SLC26A9: variants seen among roughly 807,000 people sequenced by gnomAD.
The protein encoded by SLC26A9 is anion transporter/exchanger protein 9.
In SLC26A9, 46 loss-of-function variants were observed where a neutral mutation model predicts 87.1. That is an observed-to-expected ratio of 0.53 (90% CI 0.42 to 0.67). The LOEUF is 0.67. SLC26A9 is among the 30% of genes least tolerant of loss of function. SLC26A9 has a pLI of 0.00. For synonymous variants in SLC26A9, 437 were observed against 409.1 expected (o/e 1.07, Z -0.82); for missense variants, 927 against 1,018.3 (o/e 0.91, Z 1.22).
chr1:205,929,239 T>C lies in SLC26A9; in HGVS notation c.835A>G (p.Lys279Glu). The C allele has an allele frequency of 6.2e-7, 1 of 1,614,172 alleles. No homozygotes were observed. Among genetic ancestry groups the C allele is most frequent in the Non-Finnish European group, 8.5e-7 (1 of 1,180,028 alleles). Residue 279 changes from lysine to glutamate, a missense_variant, in exon 7 of 21, where the codon AAG becomes GAG. Lys to Glu is a moderately conservative substitution (Grantham distance 56). Transcript: ENST00000367135. ...VKELNARYMH[K>E]IRFPIPTEMI... ...TCTGTAGGGATGGGGAAGCGAATCT[T>C]GTGCATGTAGCGAGCATTGAGCTCC...
rs199775815 is a variant in SLC26A9, at chr1:205,920,182, T to C, written c.2104A>G (p.Ile702Val). Residue 702 changes from isoleucine (I) to valine (V), a missense_variant, in exon 18 of 21, where the codon ATC becomes GTC. Transcript: ENST00000367135. ...KIGVKVFLVN[I>V]HAQVYNDISH... ...AATGTCCTCTTTCTCTTACCATGGA[T>C]GTTCACCAAGAAGACCTTCACGCCG... 133 of 1,613,778 alleles carry C rather than the reference T, an allele frequency of 8.2e-5. No homozygotes were observed. Among genetic ancestry groups the C allele is most frequent in the Non-Finnish European group, 1.1e-4 (130 of 1,179,840 alleles).
intron 1 of SLC26A9, among the ~76,000 whole-genome samples, chr1:205,937,520 C>T (rs1188088027): frequency 2.0e-5 from 3 of 152,184 alleles, no homozygotes; most frequent in Admixed American, 6.5e-5. Flanking sequence ...GGGATAATAA[C>T]AGTCGCAGGC....
At position 205,913,768 on chromosome 1, in the gene SLC26A9, C is replaced by G. The variant is rs1658465722; in HGVS notation, c.*1589G>C. The G allele has an allele frequency of 6.6e-6, 1 of 152,648 alleles. No individual in the cohort carries two copies. Among genetic ancestry groups the G allele is most frequent in the African/African-American group, 2.4e-5 (1 of 41,448 alleles). The allele number at this position is 152,648 out of a possible 1,614,324, so 9.5% of individuals were successfully genotyped here. On this transcript the variant is annotated 3_prime_UTR_variant, in exon 21 of 21. Transcript: ENST00000367135. ...ATAATGAATTCACAGAAAAGCAATG[C>G]TCCTGGGCCAAGAATGTGTTGGCTC...
intron 20 of SLC26A9, among the ~76,000 whole-genome samples, chr1:205,916,219 T>C (rs2102568550): frequency 6.6e-6 from 1 of 152,200 alleles, no homozygotes; most frequent in African/African-American, 2.4e-5. Flanking sequence ...GCCTCAGACT[T>C]CCGAGTAGCT....
At chr1:205,924,282 G>T in intron 13 of SLC26A9, 101 bp downstream of exon 13, 1 of 1,103,276 alleles carries the variant, frequency 9.1e-7, no homozygotes, top group Admixed American at 2.1e-5. Context: ...GCCCAGAGGT[G>T]GAAGGTACAG....
intron 18 of SLC26A9, 93 bp from the exon 19 acceptor site, chr1:205,919,078 G>A: frequency 2.0e-6 from 3 of 1,505,750 alleles, no homozygotes; most frequent in Non-Finnish European, 1.8e-6. Flanking sequence ...GCAGGGATGG[G>A]AGAGGCCTGA....
In SLC26A9 at chr1:205,928,260, A is replaced by T. The variant is rs183426877; in HGVS notation, c.954-211T>A. ...AAAGGAGGAAACTGAGGCTGAGAGA[A>T]CCTAACTTGCCCAAGGTCCCCGGGC... On this transcript the variant is annotated intron_variant, in intron 8 of 20. Coordinates refer to ENST00000367135, the MANE Select transcript of SLC26A9 (RefSeq NM_052934.4). 533 of 634,318 alleles carry T rather than the reference A, an allele frequency of 8.4e-4. 1 individual carries two copies. Among genetic ancestry groups the T allele is most frequent in the Admixed American group, 3.7e-3 (122 of 33,352 alleles). 39.3% of individuals were successfully genotyped at this position (634,318 alleles called of 1,614,324 possible). A position where few individuals can be genotyped will look rare whatever the true frequency, so the allele number is the denominator to read the frequency against.
chr1:205,930,026 C>A lies in SLC26A9; in HGVS notation c.583G>T (p.Val195Leu). The change falls in exon 6 of 21, where the codon GTG becomes TTG. Residue 195 changes from valine (V) to leucine (L), a missense_variant. Val to Leu is a conservative substitution (Grantham distance 32). Coordinates refer to ENST00000367135, the MANE Select transcript of SLC26A9 (RefSeq NM_052934.4). ...AAGGACTCGGAGAGGTAGATGGCCA[C>A]AAAGCCAAACTGCATGAAGCCCAGA... ...MGLGFMQFGFVAIYLSESFIR... is the reference protein window; with the variant it reads ...MGLGFMQFGFLAIYLSESFIR... 3.1e-6 allele frequency: 5 copies of A among 1,612,408 alleles called. No homozygotes were observed. The highest frequency in any genetic ancestry group is 4.2e-6 in the Non-Finnish European group (5 of 1,178,558).
At chr1:205,927,324 G>T in intron 10 of SLC26A9, 36 bp from the exon 11 acceptor site, 1 of 1,611,236 alleles carries the variant, frequency 6.2e-7, no homozygotes, top group Non-Finnish European at 8.5e-7. Context: ...GAGGGAAGGT[G>T]TGAAATTTTT....
chr1:205,943,003 GGAGCAGCCCA>G (rs1337073416), intron 1 of SLC26A9, among the ~76,000 whole-genome samples: 1 of 152,216 alleles, frequency 6.6e-6, no homozygotes. Flanking sequence ...GAAAGGGAGA[GGAGCAGCCCA>G]CAGCTTCAAA....
chr1:205,918,484 G>A (rs181295282), intron 19 of SLC26A9, among the ~76,000 whole-genome samples: 26 of 152,252 alleles, frequency 1.7e-4, no homozygotes, highest in Non-Finnish European at 3.5e-4. Flanking sequence ...AAGAGATGAG[G>A]AGGAGGCAGG....
At chr1:205,926,362 G>T (rs1447183114) in intron 12 of SLC26A9, among the ~76,000 whole-genome samples, 173 bp downstream of exon 12, 1 of 152,160 alleles carries the variant, frequency 6.6e-6, no homozygotes, top group African/African-American at 2.4e-5. Context: ...GGCTGAGTTA[G>T]GGTTTGAACA....
chr1:205,928,404 C>A lies in SLC26A9; in HGVS notation c.954-355G>T. 3 of 379,654 alleles carry A rather than the reference C, an allele frequency of 7.9e-6. 1 individual carries two copies. In the South Asian group the frequency reaches 1.1e-4, roughly 14 times the overall value. 23.5% of individuals were successfully genotyped at this position (379,654 alleles called of 1,614,324 possible). ...TCTTCCCTCCCTTGCCTGTTCCAAC[C>A]CTGCAGGACAAGCGTCACCCCTCTC... is the stretch of plus-strand genomic sequence containing the variant. On this transcript the variant is annotated intron_variant, in intron 8 of 20. Coordinates refer to ENST00000367135, the MANE Select transcript of SLC26A9 (RefSeq NM_052934.4).
chr1:205,936,676 G>A (rs1659523572), intron 1 of SLC26A9, among the ~76,000 whole-genome samples: 1 of 152,152 alleles, frequency 6.6e-6, no homozygotes, highest in East Asian at 1.9e-4. Flanking sequence ...AAGTTGCTCA[G>A]AGGACCACAG....
chr1:205,941,518 T>C (rs538201335), intron 1 of SLC26A9, among the ~76,000 whole-genome samples: 1 of 152,198 alleles, frequency 6.6e-6, no homozygotes, highest in South Asian at 2.1e-4. Context: ...GTCCCTGTGT[T>C]TCCAGGGCAA....
chr1:205,915,226 A>G lies in SLC26A9; in HGVS notation c.*131T>C, dbSNP rs1279259215. The G allele has an allele frequency of 1.9e-6, 3 of 1,603,270 alleles. No individual in the cohort carries two copies. Among genetic ancestry groups the G allele is most frequent in the Admixed American group, 1.7e-5 (1 of 59,558 alleles). ...GAAGGAAGGGAGGAGAGAGGGGGAG[A>G]GGAGAGAGGAACCCAAGCTCTGGGG... On this transcript the variant is annotated 3_prime_UTR_variant, in exon 21 of 21. Coordinates refer to ENST00000367135, the MANE Select transcript of SLC26A9 (RefSeq NM_052934.4).
intron 19 of SLC26A9, among the ~76,000 whole-genome samples, chr1:205,917,959 G>T (rs1260066065): frequency 6.6e-6 from 1 of 152,046 alleles, no homozygotes; most frequent in Non-Finnish European, 1.5e-5. Context: ...AAAGCCCGTT[G>T]TTTCCCCAGG....
At chr1:205,936,892 G>T (rs907755183) in intron 1 of SLC26A9, among the ~76,000 whole-genome samples, 6 of 152,166 alleles carry the variant, frequency 3.9e-5, no homozygotes, top group Admixed American at 6.5e-5. Context: ...AGGGGAGCAG[G>T]TTGCTTAATG....
chr1:205,920,092 C>T (rs1658762553), intron 18 of SLC26A9, 84 bp downstream of exon 18: 4 of 1,520,394 alleles, frequency 2.6e-6, no homozygotes, highest in Non-Finnish European at 3.6e-6. Context: ...TTTCCAACCT[C>T]CTCACTATTC....
Sources: gnomAD v4.1 joint callset for allele counts (sites outside exome capture counted in the v4.1 genomes callset) on GRCh38, gnomAD v4.1.1 for gene constraint, MANE v1.5 for transcripts, NCBI Gene and HGNC (gene_info 2026-07-23, HGNC 2026-07-21) for gene names.